MSTO1: variants seen among roughly 807,000 people sequenced by gnomAD.
MSTO1 encodes misato mitochondrial distribution and morphology regulator 1.
MSTO1 carries 24 observed loss-of-function variants against 55.7 expected under a neutral mutation model. The observed-to-expected ratio is 0.43, with a 90% CI of 0.31 to 0.61. The LOEUF is 0.61. MSTO1 is among the 20% of genes least tolerant of loss of function. MSTO1 has a pLI of 0.09. For missense variants in MSTO1, 363 were observed against 625.7 expected (o/e 0.58, Z 4.48); for synonymous variants, 162 against 252.8 (o/e 0.64, Z 3.41).
the MSTO1 span, among the ~76,000 whole-genome samples, chr1:155,587,617 G>A: frequency 1.7e-3 from 253 of 151,566 alleles, 2 homozygotes; most frequent in East Asian, 0.029. Context: ...GGTGGCGGGC[G>A]CCTATAGTCC....
At chr1:155,606,198 C>CTTTTTTTTTTTTTTT (rs747681932), upstream of MSTO1, among the ~76,000 whole-genome samples, 23 of 28,110 alleles carry the variant, frequency 8.2e-4, 1 homozygote, top group South Asian at 3.6e-3. Flanking sequence ...CATGCCCAGC[C>CTTTTTTTTTTTTTTT]TTTTTTTTTT....
chr1:155,588,927 T>C, the MSTO1 span, among the ~76,000 whole-genome samples: 1 of 152,204 alleles, frequency 6.6e-6, no homozygotes, highest in Admixed American at 6.5e-5. Context: ...TAACCCATTA[T>C]TATAAAATGA....
chr1:155,587,905 A>C, the MSTO1 span, among the ~76,000 whole-genome samples: 1 of 151,968 alleles, frequency 6.6e-6, no homozygotes, highest in Non-Finnish European at 1.5e-5. Context: ...TGAAGTATCG[A>C]AAATAACAAC....
chr1:155,614,824 C>T lies in MSTO1; in HGVS notation c.*551C>T. On this transcript the variant is annotated 3_prime_UTR_variant, in exon 14 of 14. Coordinates refer to ENST00000245564, the MANE Select transcript of MSTO1 (RefSeq NM_018116.4). ...ATCCTCATCCTCAGAGCTGGCTTCA[C>T]AGGCAGTGTGGAAGAGCTGCATGAG... is the stretch of plus-strand genomic sequence containing the variant. 3 of 1,579,034 alleles carry T rather than the reference C, an allele frequency of 1.9e-6. No homozygotes were observed. Among genetic ancestry groups the T allele is most frequent in the East Asian group, 2.3e-5 (1 of 43,328 alleles).
At chr1:155,580,066 A>G in the MSTO1 span, among the ~76,000 whole-genome samples, 1 of 150,622 alleles carries the variant, frequency 6.6e-6, no homozygotes, top group African/African-American at 2.4e-5. Flanking sequence ...ACAGAGCAAG[A>G]GTCCATCTCA....
At chr1:155,609,989 C>A (rs116421560), upstream of MSTO1, 3 of 501,702 alleles carry the variant, frequency 6.0e-6, no homozygotes, top group African/African-American at 2.0e-5. Flanking sequence ...ACGGCGCCCA[C>A]CCCGCTCCAA....
chr1:155,598,218 G>T, the MSTO1 span, among the ~76,000 whole-genome samples: 1 of 151,500 alleles, frequency 6.6e-6, no homozygotes, highest in African/African-American at 2.4e-5. Flanking sequence ...CCTGGTTCAA[G>T]CAATTCTCCC....
chr1:155,568,570 C>T, the MSTO1 span, among the ~76,000 whole-genome samples: 1 of 151,988 alleles, frequency 6.6e-6, no homozygotes, highest in Non-Finnish European at 1.5e-5. Flanking sequence ...TCCTGAGTAG[C>T]TGGGATTACA....
At chr1:155,567,895 GGCATGGTGGTGGGC>G in the MSTO1 span, among the ~76,000 whole-genome samples, 1 of 151,462 alleles carries the variant, frequency 6.6e-6, no homozygotes, top group African/African-American at 2.4e-5. Flanking sequence ...AAATCAGCTG[GGCATGGTGGTGGGC>G]GCGTGTAATC....
chr1:155,575,016 G>A, the MSTO1 span, among the ~76,000 whole-genome samples: 4 of 151,920 alleles, frequency 2.6e-5, no homozygotes, highest in Admixed American at 1.3e-4. Flanking sequence ...ACAGGCATGC[G>A]CCGCCATGCC....
Position 155,612,063 on chromosome 1 carries a change from G to A in MSTO1, c.641G>A (p.Arg214Lys). The stretch of plus-strand genomic sequence containing the variant: ...AAGTACCAGGAAGAGCTGGAGGACA[G>A]GCTGCATTTCTACGTGGAGGAATGT... ...EPKYQEELED[R>K]LHFYVEECDY... Residue 214 changes from arginine to lysine, a missense_variant, in exon 7 of 14, where the codon AGG (arginine) becomes AAG (lysine). Transcript: ENST00000245564. 1 of 1,608,540 alleles carries A rather than the reference G, an allele frequency of 6.2e-7. No homozygotes were observed. Among genetic ancestry groups the A allele is most frequent in the Non-Finnish European group, 8.5e-7 (1 of 1,178,456 alleles).
At chr1:155,580,907 C>CAA in the MSTO1 span, among the ~76,000 whole-genome samples, 1,758 of 91,578 alleles carry the variant, frequency 0.019, 55 homozygotes, top group African/African-American at 0.072. Flanking sequence ...GACTCTGTCT[C>CAA]AAAAAAAAAA....
chr1:155,612,723 C>T (rs1276170427), intron 9 of MSTO1, 121 bp from the exon 10 acceptor site: 3 of 1,429,884 alleles, frequency 2.1e-6, no homozygotes, highest in Non-Finnish European at 2.9e-6. Flanking sequence ...CTATGCTTGT[C>T]CAGCCTGGGG....
At chr1:155,568,620 A>G in the MSTO1 span, among the ~76,000 whole-genome samples, 1 of 150,782 alleles carries the variant, frequency 6.6e-6, no homozygotes, top group Non-Finnish European at 1.5e-5. Flanking sequence ...TTGTGTTTTT[A>G]GTAGAGACAG....
At chr1:155,601,899 C>A in the MSTO1 span, among the ~76,000 whole-genome samples, 1 of 152,008 alleles carries the variant, frequency 6.6e-6, no homozygotes. Context: ...GGACTACAGG[C>A]GCCTGCCACT....
At chr1:155,609,571 G>A (rs1279878876), upstream of MSTO1, among the ~76,000 whole-genome samples, 1 of 152,144 alleles carries the variant, frequency 6.6e-6, no homozygotes, top group African/African-American at 2.4e-5. Flanking sequence ...GAATAGATCA[G>A]TGGTGGCGTA....
chr1:155,614,785 G>T lies in MSTO1; in HGVS notation c.*512G>T, dbSNP rs573439166. ...GTCAGACAGCTGGTCTGCATTGCTG[G>T]TACTGGTTGCATCATCCTCATCCTC... On this transcript the variant is annotated 3_prime_UTR_variant, in exon 14 of 14. Coordinates refer to ENST00000245564, the MANE Select transcript of MSTO1 (RefSeq NM_018116.4). 1.9e-4 allele frequency: 299 copies of T among 1,544,294 alleles called. 5 individuals are homozygous for T. In the South Asian group the frequency reaches 3.3e-3, roughly 17 times the overall value.
chr1:155,585,522 C>CA, the MSTO1 span, among the ~76,000 whole-genome samples: 248 of 55,756 alleles, frequency 4.4e-3, no homozygotes, highest in African/African-American at 5.5e-3. Flanking sequence ...GACTCCGTCT[C>CA]AAAAAAAAAA....
the MSTO1 span, among the ~76,000 whole-genome samples, chr1:155,576,023 T>C: frequency 6.6e-6 from 1 of 151,882 alleles, no homozygotes; most frequent in East Asian, 2.0e-4. Context: ...GGTTTCTCCA[T>C]GTTGGCCAGG....
Sources: gnomAD v4.1 joint callset for allele counts (sites outside exome capture counted in the v4.1 genomes callset) on GRCh38, gnomAD v4.1.1 for gene constraint, MANE v1.5 for transcripts, NCBI Gene and HGNC (gene_info 2026-07-23, HGNC 2026-07-21) for gene names.